The following FBN2 variants were observed in gnomAD, a reference collection of about 807,000 sequenced individuals.
FBN2 encodes fibrillin-2.
FBN2 carries 105 observed loss-of-function variants against 355.6 expected under a neutral mutation model. The ratio of observed to expected loss-of-function variants is 0.30; its 90% CI spans 0.25 to 0.35. The LOEUF (loss-of-function observed/expected upper bound fraction) is 0.35, where lower values mean the gene tolerates loss of function less well. Ranked by LOEUF, FBN2 falls within the 10% of genes least tolerant of loss-of-function variation. FBN2 has a pLI of 1.00. For missense variants in FBN2, 3,280 were observed against 3,758.7 expected, an observed-to-expected ratio of 0.87 and a Z score of 3.33; for synonymous variants, 1,350 against 1,301.2, an observed-to-expected ratio of 1.04 and a Z score of -0.81.
chr5:128,311,463 T>C (rs781048294), intron 38 of FBN2, 38 bp from the exon 39 acceptor site: 2 of 1,608,638 alleles, frequency 1.2e-6, no homozygotes, highest in South Asian at 2.2e-5. Flanking sequence ...AACAAACACC[T>C]TCACTAAGGA....
intron 62 of FBN2, among the ~76,000 whole-genome samples, chr5:128,266,662 T>C (rs1765120307): frequency 6.6e-6 from 1 of 152,152 alleles, no homozygotes; most frequent in Admixed American, 6.5e-5. Flanking sequence ...ACTCCATGCA[T>C]TTTCCTATTT....
chr5:128,477,359 T>C (rs1029291024), intron 5 of FBN2, among the ~76,000 whole-genome samples: 4 of 152,064 alleles, frequency 2.6e-5, no homozygotes, highest in Non-Finnish European at 5.9e-5. Context: ...GTAGAGGTAA[T>C]GATTCTTTAA....
In FBN2 at chr5:128,477,489, G is replaced by T. The variant is rs570368086; in HGVS notation, c.629-12568C>A. 2.6e-4 allele frequency among the ~76,000 whole-genome samples: 40 copies of T among 152,224 alleles called. 1 individual carries two copies. The South Asian group carries it at 7.1e-3, about 27-fold the overall frequency. On this transcript the variant is annotated intron_variant, in intron 5 of 64. Transcript: ENST00000262464. ...TTAAAGATAAAAGTTTTAGAGACAAGAATCTGCTATAATGACTTCTTTTAT... is the reference window on the plus strand; with the variant it reads ...TTAAAGATAAAAGTTTTAGAGACAATAATCTGCTATAATGACTTCTTTTAT...
intron 34 of FBN2, among the ~76,000 whole-genome samples, chr5:128,320,261 G>T (rs1750333109): frequency 1.3e-5 from 2 of 151,152 alleles, no homozygotes. Flanking sequence ...CTGTCACACA[G>T]GCTGGAGTAG....
chr5:128,393,470 C>A (rs969473088), intron 9 of FBN2, 102 bp from the exon 10 acceptor site: 12 of 876,396 alleles, frequency 1.4e-5, no homozygotes, highest in Non-Finnish European at 2.3e-5. Context: ...ACCTATACTA[C>A]ACAATATGAT....
chr5:128,465,815 G>A lies in FBN2; in HGVS notation c.629-894C>T, dbSNP rs1177011798. Among the ~76,000 whole-genome samples, 7 of 152,252 alleles carry A rather than the reference G, an allele frequency of 4.6e-5. No individual in the cohort carries two copies. The East Asian group carries it at 9.7e-4, about 21-fold the overall frequency. ...TTAAGTACAGTCCATTTAGATCCCC[G>A]CCTCTCAAGGTTTCTATGGACCAGC... On this transcript the variant is annotated intron_variant, in intron 5 of 64. Transcript: ENST00000262464.
intron 7 of FBN2, among the ~76,000 whole-genome samples, chr5:128,424,987 G>C (rs1260923520): frequency 6.6e-6 from 1 of 151,072 alleles, no homozygotes; most frequent in Non-Finnish European, 1.5e-5. Context: ...TTTGCCAGCA[G>C]TAGTTTTTCT....
chr5:128,448,065 C>T (rs760072248), intron 6 of FBN2, among the ~76,000 whole-genome samples: 4 of 152,120 alleles, frequency 2.6e-5, no homozygotes, highest in African/African-American at 9.7e-5. Flanking sequence ...GTCTCCACTA[C>T]GTTTCTTTGT....
intron 8 of FBN2, among the ~76,000 whole-genome samples, chr5:128,408,298 T>C (rs1752983185): frequency 6.6e-6 from 1 of 152,194 alleles, no homozygotes; most frequent in Non-Finnish European, 1.5e-5. Flanking sequence ...GTATAGTAAC[T>C]ATTTTCAATA....
At chr5:128,334,510 A>T (rs968756385) in intron 31 of FBN2, among the ~76,000 whole-genome samples, 8 of 152,164 alleles carry the variant, frequency 5.3e-5, no homozygotes, top group Non-Finnish European at 1.2e-4. Context: ...GCCCACAGCC[A>T]GCCCCACGGT....
chr5:128,372,937 C>G (rs1438018247), intron 15 of FBN2, among the ~76,000 whole-genome samples: 1 of 152,052 alleles, frequency 6.6e-6, no homozygotes, highest in Non-Finnish European at 1.5e-5. Flanking sequence ...TCATCTCAAA[C>G]TTAAAGAATC....
rs758191719 is a variant in FBN2, at chr5:128,259,746, C to T, written c.8448G>A (p.Glu2816=). 3 of 1,613,784 alleles carry T rather than the reference C, an allele frequency of 1.9e-6. No individual in the cohort carries two copies. The highest frequency in any genetic ancestry group is 1.1e-5 in the South Asian group (1 of 91,056). ...TGGCGGGCCTTAGTTCCAGGATGTGCTCCTTAGAGCCGAGGTGGGAGAGGT... is the reference window on the plus strand; with the variant it reads ...TGGCGGGCCTTAGTTCCAGGATGTGTTCCTTAGAGCCGAGGTGGGAGAGGT... ...KFNLSHLGSK[E]HILELRPAIQ... The change falls in exon 65 of 65, where the codon GAG becomes GAA. Residue 2816 remains glutamate, a synonymous_variant. Coordinates refer to ENST00000262464, the MANE Select transcript of FBN2 (RefSeq NM_001999.4).
intron 2 of FBN2, among the ~76,000 whole-genome samples, chr5:128,532,753 T>C (rs1037187124): frequency 3.9e-5 from 6 of 152,190 alleles, no homozygotes; most frequent in African/African-American, 1.2e-4. Context: ...TTCTTATAAA[T>C]GAAAACAGTG....
chr5:128,401,001 T>C (rs1030180563), intron 8 of FBN2, among the ~76,000 whole-genome samples: 1 of 152,150 alleles, frequency 6.6e-6, no homozygotes, highest in Non-Finnish European at 1.5e-5. Context: ...TTTTGCTTCT[T>C]CCTCATTTTC....
intron 4 of FBN2, among the ~76,000 whole-genome samples, chr5:128,523,361 C>A (rs147068340): frequency 0.011 from 1,616 of 152,098 alleles, 33 homozygotes; most frequent in African/African-American, 0.036. Context: ...ATCCTCATGT[C>A]CATTCTTTCT....
chr5:128,306,622 C>T (rs1018966433), intron 42 of FBN2, among the ~76,000 whole-genome samples: 9 of 143,684 alleles, frequency 6.3e-5, no homozygotes, highest in African/African-American at 2.0e-4. Flanking sequence ...AACTCCATCT[C>T]AAAAAAAAAA....
chr5:128,333,725 T>A (rs1379482850), intron 31 of FBN2, among the ~76,000 whole-genome samples: 1 of 151,050 alleles, frequency 6.6e-6, no homozygotes, highest in Non-Finnish European at 1.5e-5. Context: ...CACACACACA[T>A]ATCCCTATAT....
chr5:128,416,162 A>T (rs1753192782), intron 7 of FBN2, among the ~76,000 whole-genome samples: 1 of 151,920 alleles, frequency 6.6e-6, no homozygotes, highest in South Asian at 2.1e-4. Context: ...AGTAGCTAGG[A>T]TTACAGGCAT....
intron 30 of FBN2, 99 bp downstream of exon 30, chr5:128,335,071 T>C: frequency 1.3e-6 from 2 of 1,541,792 alleles, no homozygotes; most frequent in Non-Finnish European, 1.8e-6. Flanking sequence ...ATTTTTAAAA[T>C]AACAACAGAA....
Sources: allele counts gnomAD v4.1 joint callset (sites outside exome capture counted in the v4.1 genomes callset), GRCh38; gene constraint gnomAD v4.1.1; transcripts MANE v1.5; gene names NCBI Gene and HGNC (gene_info 2026-07-23, HGNC 2026-07-21).